Variants in LMBRD2 observed in about 807,000 individuals in gnomAD.
The protein encoded by LMBRD2 is G protein-coupled receptor-associated protein LMBRD2.
A neutral mutation model predicts 94.4 loss-of-function variants in LMBRD2; 55 were observed. The ratio of observed to expected loss-of-function variants is 0.58; its 90% confidence interval spans 0.47 to 0.73. The LOEUF is 0.73. LMBRD2 is among the 30% of genes least tolerant of loss of function. LMBRD2 has a pLI of 0.00. For missense variants in LMBRD2, 640 were observed against 831.9 expected (o/e 0.77, Z 2.84); for synonymous variants, 246 against 272.4 (o/e 0.90, Z 0.95).
intron 6 of LMBRD2, among the ~76,000 whole-genome samples, chr5:36,128,111 C>T (rs1451501343): frequency 6.6e-6 from 1 of 152,168 alleles, no homozygotes; most frequent in Non-Finnish European, 1.5e-5. Flanking sequence ...AGAATCTCTG[C>T]CTGGTGCTCC....
At position 36,109,977 on chromosome 5, in the gene LMBRD2, G is replaced by C. The variant is rs763688412; in HGVS notation, c.1759C>G (p.Gln587Glu). 79 of 1,607,572 alleles carry C rather than the reference G, an allele frequency of 4.9e-5. No homozygotes were observed. The highest frequency in any genetic ancestry group is 5.7e-5 in the Non-Finnish European group (67 of 1,175,274). Residue 587 changes from glutamine (Q) to glutamate (E), a missense_variant, in exon 15 of 18, where the codon CAA becomes GAA. Physicochemically the swap from Gln to Glu is conservative, Grantham distance 29. Coordinates refer to ENST00000296603, the MANE Select transcript of LMBRD2 (RefSeq NM_001007527.2). ...CGATTTTCACCTTCTTCTTGCCTTT[G>C]CCTTTTTCTCTTCTCTAAAGACAGA... ...ELIRKEKRKR[Q>E]RQEEGENRRR...
At chr5:36,123,104 T>A (rs1393104592) in intron 7 of LMBRD2, 143 bp from the exon 8 acceptor site, 2 of 832,554 alleles carry the variant, frequency 2.4e-6, no homozygotes, top group Non-Finnish European at 3.3e-6. Context: ...TAGTTAGACT[T>A]CATTTGCTGA....
intron 11 of LMBRD2, among the ~76,000 whole-genome samples, chr5:36,115,761 A>G (rs1743729081): frequency 6.6e-6 from 1 of 152,168 alleles, no homozygotes; most frequent in African/African-American, 2.4e-5. Flanking sequence ...AATGGTGAGA[A>G]CTAAATAAAG....
At chr5:36,118,234 G>A (rs959125238) in intron 9 of LMBRD2, among the ~76,000 whole-genome samples, 26 of 152,060 alleles carry the variant, frequency 1.7e-4, no homozygotes, top group African/African-American at 6.0e-4. Flanking sequence ...CAAAAAACTG[G>A]CCTATACTCC....
intron 2 of LMBRD2, 42 bp downstream of exon 2, chr5:36,143,134 A>T (rs1744458028): frequency 7.3e-7 from 1 of 1,360,652 alleles, no homozygotes; most frequent in Non-Finnish European, 1.0e-6. Flanking sequence ...TGTATGATTA[A>T]AATTTGTCTT....
chr5:36,122,281 A>C lies in LMBRD2; in HGVS notation c.1119T>G (p.Phe373Leu). 1 of 1,573,330 alleles carries C rather than the reference A, an allele frequency of 6.4e-7. No homozygotes were observed. The highest frequency in any genetic ancestry group is 8.6e-7 in the Non-Finnish European group (1 of 1,162,926). ...TGAAATTTATATCAAATTACATACC[A>C]AATGTAGGATTATAAAAATATTGGA... Reference protein sequence around the residue: ...RFIQYFYNPTFEWYWECLLRP... With the variant: ...RFIQYFYNPTLEWYWECLLRP... Residue 373 changes from phenylalanine (F) to leucine (L), a missense_variant and splice_region_variant, in exon 9 of 18, where the codon TTT (phenylalanine) becomes TTG (leucine). By Grantham distance (22) the Phe-to-Leu change is conservative. Around this residue, in one of 2 missense-constraint regions of LMBRD2, gnomAD observed 457 missense variants for 642.8 expected, o/e 0.71. Transcript: ENST00000296603.
At position 36,098,999 on chromosome 5, in the gene LMBRD2, T is replaced by TAATC. The variant is rs1323018133; in HGVS notation, c.*5043_*5046dup. ...GAAAAGATTAATTTTCTATTTCACC[T>TAATC]AATCAACTGAATTGGATAAAGGCAA... On this transcript the variant is annotated 3_prime_UTR_variant, in exon 18 of 18. Transcript: ENST00000296603. 1 of 152,124 alleles carries TAATC rather than the reference T, an allele frequency of 6.6e-6. No homozygotes were observed. 9.4% of individuals were successfully genotyped at this position (152,124 alleles called of 1,614,324 possible).
chr5:36,106,886 A>G (rs1581039865), intron 16 of LMBRD2, among the ~76,000 whole-genome samples: 2 of 152,104 alleles, frequency 1.3e-5, no homozygotes, highest in South Asian at 4.1e-4. Context: ...GGCTTTAGTT[A>G]GAGAAAAACA....
intron 6 of LMBRD2, among the ~76,000 whole-genome samples, 170 bp downstream of exon 6, chr5:36,136,139 G>A (rs1744264116): frequency 6.6e-6 from 1 of 152,162 alleles, no homozygotes; most frequent in South Asian, 2.1e-4. Flanking sequence ...ACATCATGAG[G>A]CTGAACTGCT....
chr5:36,119,238 A>T (rs1743831428), intron 9 of LMBRD2, among the ~76,000 whole-genome samples: 1 of 151,696 alleles, frequency 6.6e-6, no homozygotes, highest in Admixed American at 6.6e-5. Context: ...CCTCCACCCT[A>T]CCTCAATTAC....
At position 36,142,513 on chromosome 5, in the gene LMBRD2, G is replaced by A. The variant is rs766002959; in HGVS notation, c.261C>T (p.Asn87=). The A allele has an allele frequency of 1.0e-5, 16 of 1,587,070 alleles. No homozygotes were observed. In the South Asian group the frequency reaches 1.5e-4, roughly 15 times the overall value. Residue 87 remains asparagine, a synonymous_variant, in exon 3 of 18, where the codon AAC becomes AAT. Transcript: ENST00000296603. ...SNITGLYATA[N]PVPSQHPCFK... is the part of the protein sequence containing the mutation. ...AAAAAAGGAAATACCTTGGAACAGG[G>A]TTAGCAGTTGCGTACAATCCTGTAA...
At chr5:36,145,041 T>C (rs1744504836) in intron 1 of LMBRD2, among the ~76,000 whole-genome samples, 1 of 152,214 alleles carries the variant, frequency 6.6e-6, no homozygotes, top group Non-Finnish European at 1.5e-5. Flanking sequence ...ACATTCTTTA[T>C]ATTTATTGTC....
chr5:36,108,355 A>G (rs751015174), intron 16 of LMBRD2, among the ~76,000 whole-genome samples, 179 bp downstream of exon 16: 7 of 152,148 alleles, frequency 4.6e-5, no homozygotes, highest in Non-Finnish European at 1.0e-4. Flanking sequence ...CACAGTACAT[A>G]TTTGAGCTTC....
At position 36,102,733 on chromosome 5, in the gene LMBRD2, C is replaced by A. The variant is rs1451500502; in HGVS notation, c.*1313G>T. On this transcript the variant is annotated 3_prime_UTR_variant, in exon 18 of 18. Coordinates refer to ENST00000296603, the MANE Select transcript of LMBRD2 (RefSeq NM_001007527.2). ...AAAGATTAACTTCAAGTTAGGGGAA[C>A]CATATAATTCATCTTCAAACTGGGT... 2 of 151,316 alleles carry A rather than the reference C, an allele frequency of 1.3e-5. No individual in the cohort carries two copies. The highest frequency in any genetic ancestry group is 3.0e-5 in the Non-Finnish European group (2 of 67,636). The allele number at this position is 151,316 out of a possible 1,614,324, so 9.4% of individuals were successfully genotyped here.
rs547621911 is a variant in LMBRD2 at position 36,100,167 on chromosome 5, T to C, written c.*3879A>G. ...CTAAGAAAAGTTTTGATGATGTATG[T>C]TATTAATTCCTTTTCATAAAAAGAT... is the stretch of plus-strand genomic sequence containing the variant. On this transcript the variant is annotated 3_prime_UTR_variant, in exon 18 of 18. Coordinates refer to ENST00000296603, the MANE Select transcript of LMBRD2 (RefSeq NM_001007527.2). 6.6e-6 allele frequency: 1 copy of C among 152,284 alleles called. No individual in the cohort carries two copies. The highest frequency in any genetic ancestry group is 2.4e-5 in the African/African-American group (1 of 41,568). 9.4% of individuals were successfully genotyped at this position (152,284 alleles called of 1,614,324 possible).
chr5:36,124,299 C>A (rs760426862), intron 6 of LMBRD2, 34 bp from the exon 7 acceptor site: 45 of 1,258,280 alleles, frequency 3.6e-5, no homozygotes, highest in African/African-American at 6.0e-5. Flanking sequence ...AAAATATTTC[C>A]ATTTCTACAG....
chr5:36,118,847 C>A (rs1286865775), intron 9 of LMBRD2, among the ~76,000 whole-genome samples: 1 of 151,736 alleles, frequency 6.6e-6, no homozygotes, highest in Admixed American at 6.6e-5. Context: ...ACACGTGCCA[C>A]CATGCCCAGC....
rs550155841 is a variant in LMBRD2 at position 36,105,093 on chromosome 5, C to T, written c.2002G>A (p.Asp668Asn). The change falls in exon 17 of 18, where the codon GAT becomes AAT. Residue 668 changes from aspartate to asparagine, a missense_variant. By Grantham distance (23) the Asp-to-Asn change is conservative (BLOSUM62 1). This residue lies in a region of LMBRD2 where 183 missense variants were observed against 189.1 expected (regional missense o/e 0.97). Transcript: ENST00000296603. ...CTTCCTGATTCAGATTCAAGAGGATCATCAGTGAATGTTTCTGCATTAAAA... is the reference window on the plus strand; with the variant it reads ...CTTCCTGATTCAGATTCAAGAGGATTATCAGTGAATGTTTCTGCATTAAAA... ...LDFNAETFTD[D>N]PLESESGRYQ... 6.2e-7 allele frequency: 1 copy of T among 1,612,686 alleles called. No homozygotes were observed. Among genetic ancestry groups the T allele is most frequent in the South Asian group, 1.1e-5 (1 of 90,952 alleles).
At position 36,124,275 on chromosome 5, in the gene LMBRD2, C is replaced by T. The variant is rs1180271148; in HGVS notation, c.748-10G>A. 1 of 1,480,730 alleles carries T rather than the reference C, an allele frequency of 6.8e-7. No homozygotes were observed. Among genetic ancestry groups the T allele is most frequent in the African/African-American group, 1.4e-5 (1 of 72,038 alleles). 91.7% of individuals were successfully genotyped at this position (1,480,730 alleles called of 1,614,324 possible). A position where few individuals can be genotyped will look rare whatever the true frequency, so the allele number is the denominator to read the frequency against. ...TCACTTTACGAACCTCCTATAAAAA[C>T]AGTAAAATAAATAAAAATATTTCCA... On this transcript the variant is annotated splice_polypyrimidine_tract_variant and intron_variant, in intron 6 of 17. Coordinates refer to ENST00000296603, the MANE Select transcript of LMBRD2 (RefSeq NM_001007527.2).
Sources: allele counts gnomAD v4.1 joint callset (sites outside exome capture counted in the v4.1 genomes callset), GRCh38; gene constraint gnomAD v4.1.1; regional missense constraint gnomAD v4.1.1; transcripts MANE v1.5; gene names NCBI Gene and HGNC (gene_info 2026-07-23, HGNC 2026-07-21).